LHFPL1: variants seen among roughly 807,000 people sequenced by gnomAD.
LHFPL1 encodes LHFPL tetraspan subfamily member 1 protein.
Under a neutral mutation model 12.1 loss-of-function variants are expected in LHFPL1, and 4 were observed. The observed-to-expected ratio is 0.33, with a 90% CI of 0.16 to 0.76. The LOEUF (loss-of-function observed/expected upper bound fraction) is 0.76, where lower values mean the gene tolerates loss of function less well. Among genes scored for constraint, LHFPL1 ranks in the 30% least tolerant of loss-of-function variants. The pLI is 0.61. For synonymous variants in LHFPL1, 52 were observed against 61.9 expected (o/e 0.84, Z 0.75); for missense variants, 141 against 174.1 (o/e 0.81, Z 1.07).
At chrX:112,669,148 C>T (rs907619165) in intron 2 of LHFPL1, among the ~76,000 whole-genome samples, 4 of 112,776 alleles carry the variant, frequency 3.5e-5, no homozygotes, top group African/African-American at 1.3e-4. Context: ...AGTTACTGAA[C>T]ATCTGCTTTG....
intron 3 of LHFPL1, among the ~76,000 whole-genome samples, chrX:112,640,631 A>G (rs1339692209): frequency 8.9e-6 from 1 of 112,159 alleles, no homozygotes; most frequent in Admixed American, 9.4e-5. Flanking sequence ...CCTTTGTGGA[A>G]CAGGGAGAGA....
chrX:112,652,138 G>A (rs1930871535), intron 3 of LHFPL1, among the ~76,000 whole-genome samples: 1 of 112,476 alleles, frequency 8.9e-6, no homozygotes, highest in Non-Finnish European at 1.9e-5. Flanking sequence ...CCTTCTTAGA[G>A]AGGCCTTCTC....
chrX:112,668,662 A>C (rs1239401871), intron 2 of LHFPL1, among the ~76,000 whole-genome samples: 30 of 112,447 alleles, frequency 2.7e-4, no homozygotes, highest in Non-Finnish European at 3.8e-5. Flanking sequence ...CCTCTATGTG[A>C]CACCTGCCAC....
rs755236215 is a variant in LHFPL1 at position 112,631,448 on chromosome X, A to G, written c.635T>C (p.Met212Thr). 3.6e-5 allele frequency: 43 copies of G among 1,207,913 alleles called. No individual in the cohort carries two copies. The highest frequency in any genetic ancestry group is 4.5e-5 in the Non-Finnish European group (40 of 894,083). The change falls in exon 4 of 4, where the codon ATG (methionine) becomes ACG (threonine). Residue 212 changes from methionine (M) to threonine (T), a missense_variant. Met to Thr is a moderately conservative substitution (Grantham distance 81). Coordinates refer to ENST00000371968, the MANE Select transcript of LHFPL1 (RefSeq NM_178175.4). ...SIMRNTNSYA[M>T]ELDHCLKP ...AGGTTTGAGGCAATGGTCAAGCTCC[A>G]TAGCATAAGAATTGGTATTCCTCAT...
At chrX:112,671,842 T>G (rs1214901806) in intron 1 of LHFPL1, among the ~76,000 whole-genome samples, 2 of 111,266 alleles carry the variant, frequency 1.8e-5, no homozygotes, top group Admixed American at 9.5e-5. Flanking sequence ...GGAGGCAATA[T>G]CTGAAGAGGA....
intron 2 of LHFPL1, among the ~76,000 whole-genome samples, chrX:112,667,702 G>T (rs909788088): frequency 1.8e-5 from 2 of 112,118 alleles, no homozygotes; most frequent in Non-Finnish European, 3.8e-5. Context: ...AGCATCCCCA[G>T]TGTTGACATA....
At chrX:112,643,241 T>C (rs921685485) in intron 3 of LHFPL1, among the ~76,000 whole-genome samples, 2 of 106,397 alleles carry the variant, frequency 1.9e-5, no homozygotes, top group Admixed American at 2.0e-4. Flanking sequence ...TAGCCGGGCG[T>C]GGTGGTGCAT....
chrX:112,673,358 G>A (rs904686432), intron 1 of LHFPL1, among the ~76,000 whole-genome samples: 11 of 111,364 alleles, frequency 9.9e-5, no homozygotes, highest in Admixed American at 9.6e-4. Flanking sequence ...ATGTGATGAG[G>A]GATTGAAAGG....
rs192185859 is a variant in LHFPL1 at position 112,649,591 on chromosome X, A to G, written c.481+11036T>C. Among the ~76,000 whole-genome samples the G allele has an allele frequency of 3.0e-4, 34 of 111,922 alleles. 3 individuals are homozygous for G. In the East Asian group the frequency reaches 8.1e-3, roughly 27 times the overall value. ...GTAATATATCTTCCAATATTCCCCTATGAAAAATACACGAGAGATAAATGT... is the reference window on the plus strand; with the variant it reads ...GTAATATATCTTCCAATATTCCCCTGTGAAAAATACACGAGAGATAAATGT... On this transcript the variant is annotated intron_variant, in intron 3 of 3. Coordinates refer to ENST00000371968, the MANE Select transcript of LHFPL1 (RefSeq NM_178175.4).
chrX:112,653,423 A>G (rs534370522), intron 3 of LHFPL1, among the ~76,000 whole-genome samples: 1 of 112,165 alleles, frequency 8.9e-6, no homozygotes, highest in African/African-American at 3.2e-5. Flanking sequence ...AGGTTTAAGT[A>G]AAATAATGTA....
intron 3 of LHFPL1, among the ~76,000 whole-genome samples, chrX:112,632,864 T>G (rs1930228951): frequency 9.0e-6 from 1 of 110,564 alleles, no homozygotes; most frequent in Admixed American, 9.6e-5. Flanking sequence ...AATAAAATAG[T>G]CTACCACCAA....
At chrX:112,676,799 A>G (rs147119236) in intron 1 of LHFPL1, among the ~76,000 whole-genome samples, 202 of 112,146 alleles carry the variant, frequency 1.8e-3, no homozygotes, top group African/African-American at 6.1e-3. Flanking sequence ...TCAATAAATA[A>G]TTTGTTATAT....
rs1185060522 is a variant in LHFPL1 at position 112,630,685 on chromosome X, C to A, written c.*735G>T. The A allele has an allele frequency of 9.0e-6, 1 of 111,555 alleles. No homozygotes were observed. Among genetic ancestry groups the A allele is most frequent in the Non-Finnish European group, 1.9e-5 (1 of 53,112 alleles). The allele number at this position is 111,555 out of a possible 1,213,427, so 9.2% of individuals were successfully genotyped here. Reference sequence around the variant, plus strand: ...CCATGAATTTAAATTTATTGAGTGCCCCACAAATGCTAGTCTATTCTCAGT... The same window carrying A: ...CCATGAATTTAAATTTATTGAGTGCACCACAAATGCTAGTCTATTCTCAGT... On this transcript the variant is annotated 3_prime_UTR_variant, in exon 4 of 4. Coordinates refer to ENST00000371968, the MANE Select transcript of LHFPL1 (RefSeq NM_178175.4).
At chrX:112,644,526 A>G (rs775037265) in intron 3 of LHFPL1, among the ~76,000 whole-genome samples, 29 of 110,967 alleles carry the variant, frequency 2.6e-4, no homozygotes, top group African/African-American at 8.9e-4. Context: ...ATTTAAATAC[A>G]AAATAGGTAG....
intron 3 of LHFPL1, among the ~76,000 whole-genome samples, chrX:112,658,244 T>C (rs1931069191): frequency 9.1e-6 from 1 of 109,343 alleles, no homozygotes. Flanking sequence ...GCCAACATAG[T>C]GAAACCCCAT....
chrX:112,632,394 C>A (rs1930215633), intron 3 of LHFPL1, among the ~76,000 whole-genome samples: 1 of 111,993 alleles, frequency 8.9e-6, no homozygotes. Context: ...AGATTTGTGA[C>A]TTTTCAGCCA....
chrX:112,636,872 C>A (rs906690172), intron 3 of LHFPL1, among the ~76,000 whole-genome samples: 1 of 111,929 alleles, frequency 8.9e-6, no homozygotes, highest in Non-Finnish European at 1.9e-5. Context: ...TCTACTTCCA[C>A]GCTAGAATTG....
In LHFPL1 at chrX:112,666,408, A is replaced by G. The variant is rs1282575333; in HGVS notation, c.382+4601T>C. On this transcript the variant is annotated intron_variant, in intron 2 of 3. Transcript: ENST00000371968. ...AAGTAGATCAGGGAAGGCTTCACAG[A>G]AGGGCTGCATTGGACCTGGCCTTTG... Among the ~76,000 whole-genome samples the G allele has an allele frequency of 5.4e-5, 6 of 111,466 alleles. No homozygotes were observed. In the Admixed American group the frequency reaches 5.7e-4, roughly 11 times the overall value.
chrX:112,660,676 G>T lies in LHFPL1; in HGVS notation c.432C>A (p.Ser144Arg). The T allele has an allele frequency of 8.3e-7, 1 of 1,210,525 alleles. No individual in the cohort carries two copies. Among genetic ancestry groups the T allele is most frequent in the Non-Finnish European group, 1.1e-6 (1 of 894,548 alleles). ...GCALYPLGWNSPEIMQTCGNV... is the reference protein window; with the variant it reads ...GCALYPLGWNRPEIMQTCGNV... Reference sequence around the variant, plus strand: ...TCCCACATGTTTGCATTATCTCCGGGCTATTCCATCCTAAAGGGTATAAGG... The same window carrying T: ...TCCCACATGTTTGCATTATCTCCGGTCTATTCCATCCTAAAGGGTATAAGG... The change falls in exon 3 of 4, where the codon AGC becomes AGA. Residue 144 changes from serine (S) to arginine (R), a missense_variant. Coordinates refer to ENST00000371968, the MANE Select transcript of LHFPL1 (RefSeq NM_178175.4).
Sources: allele counts gnomAD v4.1 joint callset (sites outside exome capture counted in the v4.1 genomes callset), GRCh38; gene constraint gnomAD v4.1.1; transcripts MANE v1.5; gene names NCBI Gene and HGNC (gene_info 2026-07-23, HGNC 2026-07-21).